CASD1: variants seen among roughly 807,000 people sequenced by gnomAD.
CASD1 encodes N-acetylneuraminate (7)9-O-acetyltransferase.
CASD1 carries 41 observed loss-of-function variants against 100.0 expected under a neutral mutation model. That is an observed-to-expected ratio of 0.41 (90% CI 0.32 to 0.53). The LOEUF (loss-of-function observed/expected upper bound fraction) is 0.53, where lower values mean the gene tolerates loss of function less well. CASD1 is among the 20% of genes least tolerant of loss of function. The probability of loss-of-function intolerance (pLI) is 0.25; values close to 1 mark genes in which losing one functional copy is unlikely to be tolerated. For synonymous variants in CASD1, 321 were observed against 315.6 expected, an observed-to-expected ratio of 1.02 and a Z score of -0.18; for missense variants, 774 against 948.7, an observed-to-expected ratio of 0.82 and a Z score of 2.42.
rs1383527083 is a variant in CASD1, at chr7:94,509,908, G to T, written c.-177G>T. On this transcript the variant is annotated 5_prime_UTR_variant, in exon 1 of 18. Transcript: ENST00000297273. ...GTCGGCCGCGGCCGAGGAGGGGCAG[G>T]CGGAGGTCGGGGGCGCCGCGGCCGC... is the stretch of plus-strand genomic sequence containing the variant. The T allele has an allele frequency of 6.3e-6, 7 of 1,109,320 alleles. No homozygotes were observed. Among genetic ancestry groups the T allele is most frequent in the Non-Finnish European group, 7.7e-6 (7 of 907,648 alleles). The allele number at this position is 1,109,320 out of a possible 1,614,324, so 68.7% of individuals were successfully genotyped here. A position where few individuals can be genotyped will look rare whatever the true frequency, so the allele number is the denominator to read the frequency against.
At chr7:94,520,673 A>T (rs2116218362) in intron 3 of CASD1, among the ~76,000 whole-genome samples, 1 of 152,282 alleles carries the variant, frequency 6.6e-6, no homozygotes, top group East Asian at 1.9e-4. Context: ...AATACTGTTG[A>T]TGGACTGGGT....
chr7:94,552,270 C>A, intron 15 of CASD1, 80 bp from the exon 16 acceptor site: 1 of 911,668 alleles, frequency 1.1e-6, no homozygotes, highest in South Asian at 1.4e-5. Context: ...AAATAAAGAA[C>A]TGTAAAAAAA....
At chr7:94,584,207 C>G in the CASD1 span, among the ~76,000 whole-genome samples, 6 of 152,120 alleles carry the variant, frequency 3.9e-5, no homozygotes, top group Non-Finnish European at 8.8e-5. Context: ...TTACTTTATT[C>G]CTGCTCACTT....
the CASD1 span, among the ~76,000 whole-genome samples, chr7:94,570,320 T>C: frequency 0.14 from 20,708 of 152,048 alleles, 4,646 homozygotes; most frequent in African/African-American, 0.47. Context: ...CTATAATTAT[T>C]TTCTTTGTTA....
intron 1 of CASD1, 123 bp downstream of exon 1, chr7:94,510,340 A>AACCTCCTCCCC: frequency 1.4e-6 from 1 of 736,708 alleles, no homozygotes; most frequent in Non-Finnish European, 1.9e-6. Context: ...CCCGCGGGGG[A>AACCTCCTCCCC]GGCGGTTCCC....
rs1458807059 is a variant in CASD1 at position 94,517,607 on chromosome 7, G to A, written c.181G>A (p.Glu61Lys). The change falls in exon 2 of 18, where the codon GAG (glutamate) becomes AAG (lysine). Residue 61 changes from glutamate to lysine, a missense_variant. This residue lies in a region of CASD1 where 61 missense variants were observed against 115.9 expected (regional missense o/e 0.53). Coordinates refer to ENST00000297273, the MANE Select transcript of CASD1 (RefSeq NM_022900.5). ...TCTCTCAAGTGGCAGATTTCTTGGA[G>A]AGAAAGTTTGGCAACCTCACAGTTG... Reference protein sequence around the residue: ...YLLSSGRFLGEKVWQPHSCMM... With the variant: ...YLLSSGRFLGKKVWQPHSCMM... 1.9e-6 allele frequency: 3 copies of A among 1,612,986 alleles called. No homozygotes were observed. Among genetic ancestry groups the A allele is most frequent in the East Asian group, 4.5e-5 (2 of 44,852 alleles).
At chr7:94,613,456 G>A in the CASD1 span, among the ~76,000 whole-genome samples, 1 of 152,140 alleles carries the variant, frequency 6.6e-6, no homozygotes, top group Non-Finnish European at 1.5e-5. Flanking sequence ...TGAGACAGGA[G>A]GCTATTATCA....
At chr7:94,579,627 C>T in the CASD1 span, among the ~76,000 whole-genome samples, 57 of 152,196 alleles carry the variant, frequency 3.7e-4, no homozygotes, top group Non-Finnish European at 6.6e-4. Flanking sequence ...ACTTCATGTA[C>T]CTTATCTTTT....
At position 94,530,680 on chromosome 7, in the gene CASD1, C is replaced by G. The variant is rs117471773; in HGVS notation, c.459+2430C>G. 2.9e-3 allele frequency among the ~76,000 whole-genome samples: 439 copies of G among 152,070 alleles called. 13 individuals carry two copies. The East Asian group carries it at 0.072, about 25-fold the overall frequency. ...TGTAAGTGAATGGAAGTCATTAAGT[C>G]TGAGCTATTGAATGGATTTGGGTAG... On this transcript the variant is annotated intron_variant, in intron 5 of 17. Transcript: ENST00000297273.
chr7:94,571,406 G>T, the CASD1 span, among the ~76,000 whole-genome samples: 1 of 152,060 alleles, frequency 6.6e-6, no homozygotes, highest in Non-Finnish European at 1.5e-5. Context: ...TAGTTGACAG[G>T]TTCCGCACTG....
the CASD1 span, chr7:94,628,712 C>T: frequency 4.4e-5 from 11 of 249,110 alleles, no homozygotes; most frequent in African/African-American, 1.1e-4. Flanking sequence ...CGAAATATTC[C>T]GTTCATGAAA....
the CASD1 span, chr7:94,599,331 G>A: frequency 6.9e-6 from 2 of 290,646 alleles, no homozygotes; most frequent in South Asian, 1.3e-4. Context: ...ACTCACAGAA[G>A]TTTCATTTTA....
At chr7:94,534,159 A>ATTTTTTT (rs56864121) in intron 7 of CASD1, among the ~76,000 whole-genome samples, 5 of 100,538 alleles carry the variant, frequency 5.0e-5, no homozygotes, top group Non-Finnish European at 9.5e-5. Flanking sequence ...CTGTTTCATA[A>ATTTTTTT]TTTTTTTTTT....
At chr7:94,623,237 A>T in the CASD1 span, 3 of 793,760 alleles carry the variant, frequency 3.8e-6, no homozygotes, top group Non-Finnish European at 6.1e-6. Flanking sequence ...GTGGCATTTT[A>T]AAATTCTTGA....
the CASD1 span, chr7:94,626,105 G>T: frequency 6.6e-6 from 1 of 151,958 alleles, no homozygotes; most frequent in South Asian, 2.1e-4. Context: ...GTTTATTGGC[G>T]TTTGTGTCTC....
intron 3 of CASD1, among the ~76,000 whole-genome samples, chr7:94,520,258 C>A (rs1481326611): frequency 1.3e-5 from 2 of 152,148 alleles, no homozygotes; most frequent in Non-Finnish European, 2.9e-5. Context: ...AAATATATTT[C>A]TTGTCCCTAG....
intron 3 of CASD1, among the ~76,000 whole-genome samples, chr7:94,523,048 A>G (rs1794371624): frequency 6.6e-6 from 1 of 152,228 alleles, no homozygotes; most frequent in Non-Finnish European, 1.5e-5. Flanking sequence ...AAGGTAAGTT[A>G]CTTTATATCA....
intron 16 of CASD1, chr7:94,553,925 C>G (rs540510751): frequency 6.6e-6 from 1 of 151,842 alleles, no homozygotes; most frequent in Admixed American, 6.6e-5. Context: ...GAGATTCTTT[C>G]GGGAGAGAAA....
chr7:94,516,326 C>G (rs1407823563), intron 1 of CASD1, among the ~76,000 whole-genome samples: 1 of 152,174 alleles, frequency 6.6e-6, no homozygotes, highest in Non-Finnish European at 1.5e-5. Context: ...AATATTTATG[C>G]ATACTTGTCT....
Sources: gnomAD v4.1 joint callset for allele counts (sites outside exome capture counted in the v4.1 genomes callset) on GRCh38, gnomAD v4.1.1 for gene constraint, gnomAD v4.1.1 regional missense constraint, MANE v1.5 for transcripts, NCBI Gene and HGNC (gene_info 2026-07-23, HGNC 2026-07-21) for gene names.